The following WASHC2A variants were observed in gnomAD, a reference collection of about 807,000 sequenced individuals.
WASHC2A encodes WASH complex subunit FAM21A.
In WASHC2A, 82 loss-of-function variants were observed where a neutral mutation model predicts 140.3. That is an observed-to-expected ratio of 0.58 (90% CI 0.49 to 0.70). WASHC2A has a LOEUF of 0.70. WASHC2A is among the 30% of genes least tolerant of loss of function. WASHC2A has a pLI of 0.00. For missense variants in WASHC2A, 985 were observed against 1,521.8 expected (o/e 0.65, Z 5.87); for synonymous variants, 340 against 560.8 (o/e 0.61, Z 5.56).
At chr10:50,079,490 G>A (rs1212828206) in intron 4 of WASHC2A, among the ~76,000 whole-genome samples, 1 of 152,220 alleles carries the variant, frequency 6.6e-6, no homozygotes, top group Non-Finnish European at 1.5e-5. Flanking sequence ...TCTGCTTCCT[G>A]GGTGCAAGTG....
intron 30 of WASHC2A, 25 bp downstream of exon 30, chr10:50,131,103 C>A: frequency 1.9e-6 from 3 of 1,611,948 alleles, no homozygotes; most frequent in Non-Finnish European, 2.5e-6. Context: ...CTACATCTGA[C>A]CTAGAGAATT....
intron 3 of WASHC2A, among the ~76,000 whole-genome samples, chr10:50,074,488 C>T (rs1554877141): frequency 6.6e-6 from 1 of 151,468 alleles, no homozygotes; most frequent in East Asian, 2.0e-4. Context: ...AAAGTAATCC[C>T]TGATCTTTAT....
rs1402667873 is a variant in WASHC2A, at chr10:50,131,712, A to G, written c.3886+634A>G. Among the ~76,000 whole-genome samples the G allele has an allele frequency of 5.3e-5, 8 of 152,286 alleles. No individual in the cohort carries two copies. In the East Asian group the frequency reaches 1.2e-3, roughly 22 times the overall value. On this transcript the variant is annotated intron_variant, in intron 30 of 30. Transcript: ENST00000282633. ...TACACATTTCCTACTCTCCCCATCA[A>G]TCTAGACCTTGAGACTAACTGGGAG...
At chr10:50,103,475 G>C (rs1841430883) in intron 17 of WASHC2A, among the ~76,000 whole-genome samples, 2 of 152,132 alleles carry the variant, frequency 1.3e-5, no homozygotes, top group Non-Finnish European at 2.9e-5. Context: ...CAGGAGAATG[G>C]CGTGAATCCG....
chr10:50,130,824 A>T, intron 29 of WASHC2A, 77 bp from the exon 30 acceptor site: 1 of 1,601,658 alleles, frequency 6.2e-7, no homozygotes, highest in Non-Finnish European at 8.5e-7. Flanking sequence ...TTGTATTTCC[A>T]TAGCTCGTTG....
chr10:50,101,210 A>C (rs1301054646), intron 17 of WASHC2A, among the ~76,000 whole-genome samples: 1 of 152,312 alleles, frequency 6.6e-6, no homozygotes, highest in Non-Finnish European at 1.5e-5. Context: ...ACCCCTGAGA[A>C]ACAGCATGAT....
chr10:50,125,543 A>T, intron 25 of WASHC2A, 94 bp downstream of exon 25: 1 of 1,609,950 alleles, frequency 6.2e-7, no homozygotes. Context: ...AAATCCTAGG[A>T]GAGTCGTGCT....
At position 50,127,223 on chromosome 10, in the gene WASHC2A, G is replaced by A. The variant is rs1843513340; in HGVS notation, c.2874+1G>A. 1.2e-6 allele frequency: 2 copies of A among 1,611,920 alleles called. No individual in the cohort carries two copies. Among genetic ancestry groups the A allele is most frequent in the African/African-American group, 2.7e-5 (2 of 74,866 alleles). ...ATCCACTCGGATCGGGAAGATACAA[G>A]TAATTAAAACACTGGAATCTTCATT... On this transcript the variant is annotated splice_donor_variant, in intron 27 of 30. Coordinates refer to ENST00000282633, the MANE Select transcript of WASHC2A (RefSeq NM_001005751.3). LOFTEE classifies it high-confidence loss of function.
intron 19 of WASHC2A, among the ~76,000 whole-genome samples, chr10:50,107,530 A>T (rs1841900053): frequency 6.6e-6 from 1 of 152,106 alleles, no homozygotes; most frequent in South Asian, 2.1e-4. Context: ...TAGGCAAGTT[A>T]ATAGGGGGTG....
chr10:50,095,808 T>G (rs1328677801), intron 15 of WASHC2A, 30 bp downstream of exon 15: 141 of 1,578,348 alleles, frequency 8.9e-5, no homozygotes, highest in Admixed American at 4.6e-4. Flanking sequence ...TTTCTAGGAC[T>G]TCAGCCAGAA....
intron 18 of WASHC2A, among the ~76,000 whole-genome samples, chr10:50,105,982 C>T (rs1417143593): frequency 1.3e-5 from 2 of 152,202 alleles, no homozygotes; most frequent in Non-Finnish European, 2.9e-5. Context: ...CGGGGGCTCC[C>T]GTGCCCATTG....
At chr10:50,095,237 A>C in intron 14 of WASHC2A, 30 bp downstream of exon 14, 1 of 1,500,926 alleles carries the variant, frequency 6.7e-7, no homozygotes, top group Non-Finnish European at 9.0e-7. Flanking sequence ...TTTTCTAAAA[A>C]CTACACAAAT....
At chr10:50,128,044 C>T (rs1453973043) in intron 28 of WASHC2A, among the ~76,000 whole-genome samples, 2 of 151,562 alleles carry the variant, frequency 1.3e-5, no homozygotes, top group Non-Finnish European at 2.9e-5. Context: ...ACCACTTTGG[C>T]TGGTGTCTGA....
intron 2 of WASHC2A, among the ~76,000 whole-genome samples, chr10:50,068,621 T>C (rs1837512987): frequency 6.7e-6 from 1 of 149,836 alleles, no homozygotes; most frequent in African/African-American, 2.5e-5. Flanking sequence ...CCCAAAAAGC[T>C]CAGAACTGTT....
intron 27 of WASHC2A, 87 bp from the exon 28 acceptor site, chr10:50,127,496 G>A: frequency 1.2e-6 from 2 of 1,611,904 alleles, no homozygotes; most frequent in Non-Finnish European, 1.7e-6. Flanking sequence ...TATACATTAT[G>A]TGCACCGAAT....
At chr10:50,098,356 C>T (rs1840706217) in intron 16 of WASHC2A, among the ~76,000 whole-genome samples, 1 of 151,956 alleles carries the variant, frequency 6.6e-6, no homozygotes, top group Non-Finnish European at 1.5e-5. Context: ...ATGCCATTTA[C>T]AGCAGTGATC....
Position 50,132,834 on chromosome 10 carries a change from T to C in WASHC2A, c.3915T>C (p.Ala1305=), listed in dbSNP as rs1183735145. 1 of 1,611,920 alleles carries C rather than the reference T, an allele frequency of 6.2e-7. No individual in the cohort carries two copies. The highest frequency in any genetic ancestry group is 1.1e-5 in the South Asian group (1 of 90,988). The change falls in exon 31 of 31, where the codon GCT becomes GCC. Residue 1305 remains alanine, a synonymous_variant. Coordinates refer to ENST00000282633, the MANE Select transcript of WASHC2A (RefSeq NM_001005751.3). ...MDDIFSSGIQ[A]KTTKPKSRSA... ...ACATCTTCTCCTCTGGTATCCAGGC[T>C]AAGACAACCAAACCAAAAAGCCGAT...
Position 50,093,908 on chromosome 10 carries a change from G to A in WASHC2A, c.1171G>A (p.Val391Ile). 6.2e-7 allele frequency: 1 copy of A among 1,606,252 alleles called. No individual in the cohort carries two copies. Residue 391 changes from valine (V) to isoleucine (I), a missense_variant, in exon 13 of 31, where the codon GTT (valine) becomes ATT (isoleucine). Physicochemically the swap from Val to Ile is conservative, Grantham distance 29. Coordinates refer to ENST00000282633, the MANE Select transcript of WASHC2A (RefSeq NM_001005751.3). ...APQDRQAGASVKEESSSSKPG... is the reference protein window; with the variant it reads ...APQDRQAGASIKEESSSSKPG... ...CCAGGATCGGCAAGCTGGAGCCTCT[G>A]TTAAGGAGGGTAAGCTGGGGCTGGG... is the stretch of plus-strand genomic sequence containing the variant.
At chr10:50,068,565 A>G (rs552506898) in intron 2 of WASHC2A, among the ~76,000 whole-genome samples, 57 of 151,178 alleles carry the variant, frequency 3.8e-4, no homozygotes, top group Non-Finnish European at 6.6e-4. Flanking sequence ...GGTGGGAAAC[A>G]AGCCAGTATG....
Sources: gnomAD v4.1 joint callset for allele counts (sites outside exome capture counted in the v4.1 genomes callset) on GRCh38, gnomAD v4.1.1 for gene constraint, MANE v1.5 for transcripts, NCBI Gene and HGNC (gene_info 2026-07-23, HGNC 2026-07-21) for gene names.